The following SLC12A6 variants were observed in gnomAD, a reference collection of about 807,000 sequenced individuals.
SLC12A6 encodes the protein K-Cl cotransporter 3.
A neutral mutation model predicts 135.3 loss-of-function variants in SLC12A6; 66 were observed. That is an observed-to-expected ratio of 0.49 (90% CI 0.40 to 0.60). The LOEUF (loss-of-function observed/expected upper bound fraction) is 0.60, where lower values mean the gene tolerates loss of function less well. Among genes scored for constraint, SLC12A6 ranks in the 20% least tolerant of loss-of-function variants. SLC12A6 has a pLI of 0.00. For missense variants in SLC12A6, 1,058 were observed against 1,452.3 expected (o/e 0.73, Z 4.41); for synonymous variants, 513 against 508.8 (o/e 1.01, Z -0.11).
In SLC12A6 at chr15:34,240,712, G is replaced by A. The variant is rs562984167; in HGVS notation, c.2385C>T (p.Val795=). 1.2e-4 allele frequency: 199 copies of A among 1,614,030 alleles called. 1 individual carries two copies. In the Middle Eastern group the frequency reaches 3.1e-3, roughly 25 times the overall value. ...AGTTCTCTAGGAAGTTCCCCACGAT[G>A]ACAGAGCCCACAATAGTGAGACCTT... is the stretch of plus-strand genomic sequence containing the variant. ...AGKGLTIVGS[V]IVGNFLENYG... is the part of the protein sequence containing the mutation. The change falls in exon 19 of 26, where the codon GTC becomes GTT. Residue 795 remains valine, a synonymous_variant. Coordinates refer to ENST00000354181, the MANE Select transcript of SLC12A6 (RefSeq NM_001365088.1).
Position 34,229,953 on chromosome 15 carries a change from C to T in SLC12A6, c.*3928G>A. On this transcript the variant is annotated 3_prime_UTR_variant, in exon 26 of 26. Transcript: ENST00000354181. ...TGACAGGTCCTAGAAGGACAATGTG[C>T]ATATTACGACAAACACAAAGAAACT... 1 of 672,220 alleles carries T rather than the reference C, an allele frequency of 1.5e-6. No homozygotes were observed. 41.6% of individuals were successfully genotyped at this position (672,220 alleles called of 1,614,324 possible). A position where few individuals can be genotyped will look rare whatever the true frequency, so the allele number is the denominator to read the frequency against.
At chr15:34,306,362 TCTCAGAC>T (rs1436452068) in intron 2 of SLC12A6, among the ~76,000 whole-genome samples, 5 of 152,154 alleles carry the variant, frequency 3.3e-5, no homozygotes, top group Non-Finnish European at 5.9e-5. Flanking sequence ...GATGGGAAGA[TCTCAGAC>T]CCATGGCTCT....
chr15:34,298,691 G>A (rs915572304), intron 2 of SLC12A6, among the ~76,000 whole-genome samples: 1 of 152,018 alleles, frequency 6.6e-6, no homozygotes, highest in Non-Finnish European at 1.5e-5. Context: ...CATTCACAGA[G>A]AAAGTGGGTA....
intron 9 of SLC12A6, among the ~76,000 whole-genome samples, chr15:34,253,681 G>C (rs1287995245): frequency 6.6e-6 from 1 of 152,198 alleles, no homozygotes; most frequent in African/African-American, 2.4e-5. Flanking sequence ...TTGATCCTCA[G>C]ATAATCCAGA....
chr15:34,238,182 C>G, intron 21 of SLC12A6, 50 bp downstream of exon 21: 1 of 1,320,950 alleles, frequency 7.6e-7, no homozygotes, highest in South Asian at 1.2e-5. Flanking sequence ...TCCTGTGAAC[C>G]AGGACAGAAG....
chr15:34,245,516 CT>C, intron 14 of SLC12A6, 113 bp from the exon 15 acceptor site: 1 of 893,876 alleles, frequency 1.1e-6, no homozygotes, highest in Non-Finnish European at 1.9e-6. Flanking sequence ...ACTGTGATAC[CT>C]TTTAAATACC....
chr15:34,244,179 C>A, intron 15 of SLC12A6, 107 bp from the exon 16 acceptor site: 1 of 753,588 alleles, frequency 1.3e-6, no homozygotes, highest in Non-Finnish European at 2.4e-6. Context: ...AGACAACTAA[C>A]CCTTGATTAA....
At position 34,245,702 on chromosome 15, in the gene SLC12A6, C is replaced by G. The variant is rs141035492; in HGVS notation, c.1815G>C (p.Pro605=). The change falls in exon 14 of 26, where the codon CCG becomes CCC. Residue 605 remains proline, a synonymous_variant. Coordinates refer to ENST00000354181, the MANE Select transcript of SLC12A6 (RefSeq NM_001365088.1). ...ATAAAAGGTCACTCACCCTCAGAAA[C>G]GGTATGATGTTATCCTTGGCAATAG... The part of the protein sequence containing the change: ...LQAIAKDNII[P]FLRVFGHSKA... 3 of 1,612,920 alleles carry G rather than the reference C, an allele frequency of 1.9e-6. No individual in the cohort carries two copies. The African/African-American group carries it at 4.0e-5, about 22-fold the overall frequency.
intron 2 of SLC12A6, among the ~76,000 whole-genome samples, chr15:34,286,147 C>T (rs1260121691): frequency 2.0e-5 from 3 of 151,876 alleles, no homozygotes; most frequent in Admixed American, 2.0e-4. Flanking sequence ...GATCTAAGTT[C>T]CCTGCAACCG....
chr15:34,271,371 A>G (rs1893925970), intron 3 of SLC12A6, among the ~76,000 whole-genome samples: 1 of 125,970 alleles, frequency 7.9e-6, no homozygotes, highest in African/African-American at 4.3e-5. Context: ...AGGTTGGCCT[A>G]TACTTTTTTT....
At chr15:34,284,649 ACTATT>A (rs1894926472) in intron 2 of SLC12A6, among the ~76,000 whole-genome samples, 1 of 152,208 alleles carries the variant, frequency 6.6e-6, no homozygotes, top group African/African-American at 2.4e-5. Context: ...CATGTGAAAC[ACTATT>A]CTAGTTACTA....
At chr15:34,282,982 G>C (rs1294153412) in intron 2 of SLC12A6, among the ~76,000 whole-genome samples, 1 of 152,170 alleles carries the variant, frequency 6.6e-6, no homozygotes, top group African/African-American at 2.4e-5. Flanking sequence ...TTTTCCATGT[G>C]CTAGGGATAG....
At chr15:34,291,407 G>C (rs969790309) in intron 2 of SLC12A6, among the ~76,000 whole-genome samples, 2 of 152,068 alleles carry the variant, frequency 1.3e-5, no homozygotes, top group East Asian at 1.9e-4. Context: ...CTCTGGCTGT[G>C]CTTAACATTT....
chr15:34,237,439 C>T lies in SLC12A6; in HGVS notation c.2914G>A (p.Glu972Lys). The T allele has an allele frequency of 6.2e-7, 1 of 1,613,114 alleles. No individual in the cohort carries two copies. Among genetic ancestry groups the T allele is most frequent in the Non-Finnish European group, 8.5e-7 (1 of 1,179,362 alleles). The change falls in exon 22 of 26, where the codon GAG becomes AAG. Residue 972 changes from glutamate to lysine, a missense_variant. By Grantham distance (56) the Glu-to-Lys change is moderately conservative. Around this residue, in one of 6 missense-constraint regions of SLC12A6, gnomAD observed 245 missense variants for 440.8 expected, o/e 0.56. Coordinates refer to ENST00000354181, the MANE Select transcript of SLC12A6 (RefSeq NM_001365088.1). ...CTCACCATCTCCACCACTTCTACCT[C>T]CGCCTCAATGCGTAAGTGATATAGG... ...TFLYHLRIEAEVEVVEMHDSD... is the reference protein window; with the variant it reads ...TFLYHLRIEAKVEVVEMHDSD...
At chr15:34,236,643 A>G (rs1195369993) in intron 23 of SLC12A6, 65 bp downstream of exon 23, 2 of 999,074 alleles carry the variant, frequency 2.0e-6, no homozygotes, top group South Asian at 2.5e-5. Flanking sequence ...TGCCCAGCCC[A>G]GTATCATCCC....
intron 2 of SLC12A6, among the ~76,000 whole-genome samples, chr15:34,329,169 G>T (rs1889671325): frequency 6.6e-6 from 1 of 152,160 alleles, no homozygotes. Flanking sequence ...TGTAGACAGT[G>T]CACGAGGGCA....
intron 2 of SLC12A6, among the ~76,000 whole-genome samples, chr15:34,299,211 T>G (rs900079920): frequency 1.3e-5 from 2 of 152,166 alleles, no homozygotes; most frequent in Non-Finnish European, 2.9e-5. Context: ...GGTGTAGACA[T>G]TTATAAATAG....
rs546534058 is a variant in SLC12A6, at chr15:34,318,595, G to A, written c.271+17815C>T. 8 of 1,613,862 alleles carry A rather than the reference G, an allele frequency of 5.0e-6. No individual in the cohort carries two copies. The South Asian group carries it at 8.8e-5, about 18-fold the overall frequency. On this transcript the variant is annotated intron_variant, in intron 2 of 25. Transcript: ENST00000354181. ...CTGAATCCTGAATCCGGGCTTTTAT[G>A]TCTGCTAAACTAGGCTCTTGAGAGA...
At chr15:34,313,876 T>C (rs565554968) in intron 2 of SLC12A6, among the ~76,000 whole-genome samples, 1 of 147,722 alleles carries the variant, frequency 6.8e-6, no homozygotes, top group South Asian at 2.1e-4. Context: ...GAGGCTGAGA[T>C]AGGACAATCA....
Sources: allele counts gnomAD v4.1 joint callset (sites outside exome capture counted in the v4.1 genomes callset), GRCh38; gene constraint gnomAD v4.1.1; regional missense constraint gnomAD v4.1.1; transcripts MANE v1.5; gene names NCBI Gene and HGNC (gene_info 2026-07-23, HGNC 2026-07-21).